RBM7: variants seen among roughly 807,000 people sequenced by gnomAD.
The protein encoded by RBM7 is RNA binding motif protein 7.
A neutral mutation model predicts 31.0 loss-of-function variants in RBM7; 13 were observed. That is an observed-to-expected ratio of 0.42 (90% CI 0.27 to 0.67). The LOEUF is 0.67. Ranked by LOEUF, RBM7 falls within the 30% of genes least tolerant of loss-of-function variation. The pLI is 0.24. For synonymous variants in RBM7, 106 were observed against 111.2 expected (o/e 0.95, Z 0.30); for missense variants, 245 against 326.2 (o/e 0.75, Z 1.92).
intron 3 of RBM7, among the ~76,000 whole-genome samples, 177 bp from the exon 4 acceptor site, chr11:114,405,529 T>C (rs972773186): frequency 6.6e-6 from 1 of 152,222 alleles, no homozygotes; most frequent in African/African-American, 2.4e-5. Context: ...AATCATACGT[T>C]TTATCACTTA....
In RBM7 at chr11:114,402,840, C is replaced by CCCCACAAGATG; in HGVS notation, c.273_283dup (p.Val95AlafsTer35). On this transcript the variant is annotated frameshift_variant, in exon 3 of 5. Transcript: ENST00000375490. LOFTEE classifies it high-confidence loss of function. ...TGTTTCATTTTAGGAAGTAGTCATG[C>CCCCACAAGATG]CCCACAAGATGTCAGTTTGTCATAT... 1 of 1,612,122 alleles carries CCCCACAAGATG rather than the reference C, an allele frequency of 6.2e-7. No homozygotes were observed. Among genetic ancestry groups the CCCCACAAGATG allele is most frequent in the Non-Finnish European group, 8.5e-7 (1 of 1,178,386 alleles).
chr11:114,408,700 T>G lies in RBM7; in HGVS notation c.*893T>G, dbSNP rs1021171664. 6.6e-6 allele frequency: 1 copy of G among 152,368 alleles called. No homozygotes were observed. Among genetic ancestry groups the G allele is most frequent in the African/African-American group, 2.4e-5 (1 of 41,462 alleles). 9.4% of individuals were successfully genotyped at this position (152,368 alleles called of 1,614,324 possible). ...CACATGTAATGGAGATTGTACAGGTTGTTTTTTTGTTTGAACCTTTGAAAG... is the reference window on the plus strand; with the variant it reads ...CACATGTAATGGAGATTGTACAGGTGGTTTTTTTGTTTGAACCTTTGAAAG... On this transcript the variant is annotated 3_prime_UTR_variant, in exon 5 of 5. Coordinates refer to ENST00000375490, the MANE Select transcript of RBM7 (RefSeq NM_001286045.2).
Position 114,408,939 on chromosome 11 carries a change from A to G in RBM7, c.*1132A>G, listed in dbSNP as rs1371695171. On this transcript the variant is annotated 3_prime_UTR_variant, in exon 5 of 5. Coordinates refer to ENST00000375490, the MANE Select transcript of RBM7 (RefSeq NM_001286045.2). ...GGGTGTGTGTTATTTTTTTTTTTTT[A>G]TGTCACTGACTTCAGAGACATTGTA... 1 of 145,950 alleles carries G rather than the reference A, an allele frequency of 6.9e-6. No individual in the cohort carries two copies. Among genetic ancestry groups the G allele is most frequent in the South Asian group, 2.1e-4 (1 of 4,658 alleles). The allele number at this position is 145,950 out of a possible 1,614,324, so 9.0% of individuals were successfully genotyped here.
At chr11:114,402,167 T>A (rs779765551) in intron 2 of RBM7, 12 of 238,304 alleles carry the variant, frequency 5.0e-5, no homozygotes, top group Non-Finnish European at 9.5e-5. Context: ...AAAATACTTC[T>A]CCTGGCTGCT....
chr11:114,401,417 A>G (rs532758558), intron 1 of RBM7, among the ~76,000 whole-genome samples: 1 of 152,286 alleles, frequency 6.6e-6, no homozygotes, highest in Non-Finnish European at 1.5e-5. Context: ...TGGAGTGGCA[A>G]AATAATGGCG....
chr11:114,403,363 G>A (rs1407399409), intron 3 of RBM7, among the ~76,000 whole-genome samples: 12 of 152,170 alleles, frequency 7.9e-5, no homozygotes, highest in Admixed American at 7.2e-4. Context: ...AGAATTCCTA[G>A]AATTGGATTC....
Position 114,407,716 on chromosome 11 carries a change from A to G in RBM7, c.713A>G (p.Tyr238Cys), listed in dbSNP as rs753101100. 9 of 1,613,952 alleles carry G rather than the reference A, an allele frequency of 5.6e-6. No homozygotes were observed. Among genetic ancestry groups the G allele is most frequent in the East Asian group, 2.2e-5 (1 of 44,896 alleles). Residue 238 changes from tyrosine (Y) to cysteine (C), a missense_variant, in exon 5 of 5, where the codon TAT (tyrosine) becomes TGT (cysteine). Coordinates refer to ENST00000375490, the MANE Select transcript of RBM7 (RefSeq NM_001286045.2). ...AGAGGAAAGAGAGATGATTTCTTCTATGAAGACAGGAATCATGATGACTGG... is the reference window on the plus strand; with the variant it reads ...AGAGGAAAGAGAGATGATTTCTTCTGTGAAGACAGGAATCATGATGACTGG... Reference protein sequence around the residue: ...HYRGKRDDFFYEDRNHDDWSH... With the variant: ...HYRGKRDDFFCEDRNHDDWSH...
At chr11:114,407,288 G>T (rs1168707800) in intron 4 of RBM7, 157 bp from the exon 5 acceptor site, 2 of 648,186 alleles carry the variant, frequency 3.1e-6, no homozygotes, top group Non-Finnish European at 5.2e-6. Flanking sequence ...TATCTTGTAG[G>T]TATACATTGG....
In RBM7 at chr11:114,405,739, A is replaced by C. The variant is rs762021514; in HGVS notation, c.381A>C (p.Ser127=). ...RYERTMDNMT[S]SAQIIQRSFS... ...AAAGGACTATGGATAACATGACTTC[A>C]TCAGCACAGATAATTCAGAGATCTT... is the stretch of plus-strand genomic sequence containing the variant. The change falls in exon 4 of 5, where the codon TCA becomes TCC. Residue 127 remains serine (S), a synonymous_variant. Transcript: ENST00000375490. The C allele has an allele frequency of 1.2e-6, 2 of 1,608,640 alleles. No homozygotes were observed. Among genetic ancestry groups the C allele is most frequent in the Non-Finnish European group, 8.5e-7 (1 of 1,177,530 alleles).
chr11:114,402,039 G>T, intron 2 of RBM7, 179 bp downstream of exon 2: 1 of 575,118 alleles, frequency 1.7e-6, no homozygotes, highest in Non-Finnish European at 2.8e-6. Flanking sequence ...CATGGATTTT[G>T]AAATTAGAAT....
intron 3 of RBM7, among the ~76,000 whole-genome samples, chr11:114,403,857 T>C (rs1056210457): frequency 6.6e-6 from 1 of 152,220 alleles, no homozygotes; most frequent in Non-Finnish European, 1.5e-5. Flanking sequence ...AAAGTCTAAA[T>C]GAAGACACAT....
intron 3 of RBM7, among the ~76,000 whole-genome samples, 175 bp from the exon 4 acceptor site, chr11:114,405,531 T>TA (rs1353222137): frequency 6.6e-5 from 10 of 152,246 alleles, no homozygotes; most frequent in Non-Finnish European, 1.0e-4. Context: ...TCATACGTTT[T>TA]ATCACTTAAA....
At position 114,410,507 on chromosome 11, in the gene RBM7, T is replaced by C. The variant is rs1565263718; in HGVS notation, c.*2700T>C. On this transcript the variant is annotated 3_prime_UTR_variant, in exon 5 of 5. Coordinates refer to ENST00000375490, the MANE Select transcript of RBM7 (RefSeq NM_001286045.2). ...GATTATTCCAAGAACACCCTAATGT[T>C]TTCCTGCTTCCAGTCTTCTTTCCTC... 2 of 152,226 alleles carry C rather than the reference T, an allele frequency of 1.3e-5. No homozygotes were observed. The highest frequency in any genetic ancestry group is 4.8e-5 in the African/African-American group (2 of 41,468). 9.4% of individuals were successfully genotyped at this position (152,226 alleles called of 1,614,324 possible).
At chr11:114,403,960 G>A (rs1017525527) in intron 3 of RBM7, among the ~76,000 whole-genome samples, 6 of 152,210 alleles carry the variant, frequency 3.9e-5, no homozygotes, top group Non-Finnish European at 7.3e-5. Flanking sequence ...TTAAGAGAAG[G>A]AGATGATATA....
At chr11:114,405,839 AT>A (rs770095595) in intron 4 of RBM7, 40 bp downstream of exon 4, 73 of 1,351,912 alleles carry the variant, frequency 5.4e-5, no homozygotes, top group Non-Finnish European at 6.9e-5. Context: ...CCAAAAAAAA[AT>A]CATCCTTAGT....
intron 1 of RBM7, among the ~76,000 whole-genome samples, chr11:114,401,046 G>A (rs988628767): frequency 6.6e-6 from 1 of 152,186 alleles, no homozygotes; most frequent in Non-Finnish European, 1.5e-5. Context: ...CAGTGTGTGT[G>A]TAGGGTCTTC....
At chr11:114,400,921 G>A (rs906515468) in intron 1 of RBM7, among the ~76,000 whole-genome samples, 154 bp downstream of exon 1, 1 of 152,100 alleles carries the variant, frequency 6.6e-6, no homozygotes. Flanking sequence ...ACGCTCGCTG[G>A]GTGTCGCTTT....
At chr11:114,405,588 G>A in intron 3 of RBM7, 118 bp from the exon 4 acceptor site, 2 of 519,692 alleles carry the variant, frequency 3.8e-6, no homozygotes, top group Non-Finnish European at 6.5e-6. Flanking sequence ...CTGGCTGCAT[G>A]AGAGCAGATA....
intron 3 of RBM7, among the ~76,000 whole-genome samples, chr11:114,403,573 G>A (rs1240814897): frequency 2.6e-5 from 4 of 151,960 alleles, no homozygotes; most frequent in Non-Finnish European, 4.4e-5. Flanking sequence ...AATTTTTCCC[G>A]GTATATCCAT....
Sources: gnomAD v4.1 joint callset for allele counts (sites outside exome capture counted in the v4.1 genomes callset) on GRCh38, gnomAD v4.1.1 for gene constraint, MANE v1.5 for transcripts, NCBI Gene and HGNC (gene_info 2026-07-23, HGNC 2026-07-21) for gene names.